UNC5C: variants seen among roughly 807,000 people sequenced by gnomAD.
UNC5C encodes netrin receptor UNC5C.
A neutral mutation model predicts 99.8 loss-of-function variants in UNC5C; 47 were observed. The ratio of observed to expected loss-of-function variants is 0.47; its 90% CI spans 0.37 to 0.60. UNC5C has a LOEUF of 0.60. Among genes scored for constraint, UNC5C ranks in the 20% least tolerant of loss-of-function variants. UNC5C has a pLI of 0.00. For missense variants in UNC5C, 1,062 were observed against 1,165.9 expected (o/e 0.91, Z 1.30); for synonymous variants, 487 against 452.2 (o/e 1.08, Z -0.98).
chr4:95,229,492 G>A (rs925380183), intron 7 of UNC5C, among the ~76,000 whole-genome samples: 17 of 152,280 alleles, frequency 1.1e-4, no homozygotes, highest in African/African-American at 2.6e-4. Flanking sequence ...ATTTCATGGT[G>A]TATATGTGCC....
chr4:95,173,529 A>C (rs1338999269), intron 14 of UNC5C, among the ~76,000 whole-genome samples: 3 of 147,998 alleles, frequency 2.0e-5, no homozygotes, highest in African/African-American at 7.5e-5. Flanking sequence ...TTCTGTTTAT[A>C]TGCTGGATTA....
chr4:95,206,517 G>A, intron 11 of UNC5C, 111 bp downstream of exon 11: 1 of 1,487,514 alleles, frequency 6.7e-7, no homozygotes, highest in Non-Finnish European at 9.1e-7. Context: ...TTGAGGGTGA[G>A]CTAAAATTCC....
chr4:95,371,899 A>G (rs1294750444), intron 1 of UNC5C, among the ~76,000 whole-genome samples: 1 of 152,142 alleles, frequency 6.6e-6, no homozygotes, highest in Non-Finnish European at 1.5e-5. Flanking sequence ...TATAAAAACC[A>G]TGTTCTGCAT....
At chr4:95,386,886 C>T (rs1745226433) in intron 1 of UNC5C, among the ~76,000 whole-genome samples, 1 of 152,088 alleles carries the variant, frequency 6.6e-6, no homozygotes, top group South Asian at 2.1e-4. Context: ...AGTGGACATT[C>T]ATATGGGTTA....
intron 1 of UNC5C, among the ~76,000 whole-genome samples, chr4:95,435,137 AG>A (rs924508963): frequency 6.6e-6 from 1 of 152,058 alleles, no homozygotes; most frequent in Non-Finnish European, 1.5e-5. Context: ...GACAAACAAA[AG>A]GTTTTGAAAT....
chr4:95,330,465 G>A (rs1330883586), intron 2 of UNC5C, among the ~76,000 whole-genome samples: 1 of 151,870 alleles, frequency 6.6e-6, no homozygotes, highest in East Asian at 1.9e-4. Flanking sequence ...CAAAATTTTT[G>A]ATAAGTATAT....
intron 1 of UNC5C, among the ~76,000 whole-genome samples, chr4:95,511,980 A>C (rs78073988): frequency 0.02 from 3,080 of 152,158 alleles, 109 homozygotes; most frequent in African/African-American, 0.071. Context: ...GTATGTGACT[A>C]CTTGTTAGAT....
intron 1 of UNC5C, among the ~76,000 whole-genome samples, chr4:95,476,594 G>A (rs1339773403): frequency 3.3e-5 from 5 of 151,918 alleles, no homozygotes; most frequent in Non-Finnish European, 7.4e-5. Flanking sequence ...CATATTTTGT[G>A]ATAGTTTCCA....
chr4:95,541,680 C>T (rs1033079869), intron 1 of UNC5C, among the ~76,000 whole-genome samples: 2 of 151,638 alleles, frequency 1.3e-5, no homozygotes, highest in East Asian at 3.9e-4. Context: ...TTGAGAAAAC[C>T]TGCATTTCTA....
At chr4:95,443,375 C>A (rs1747006985) in intron 1 of UNC5C, among the ~76,000 whole-genome samples, 1 of 152,092 alleles carries the variant, frequency 6.6e-6, no homozygotes, top group African/African-American at 2.4e-5. Flanking sequence ...AACAGGGTAC[C>A]TATTTTTGCT....
intron 4 of UNC5C, among the ~76,000 whole-genome samples, chr4:95,251,658 A>G (rs570252346): frequency 6.6e-6 from 1 of 152,304 alleles, no homozygotes; most frequent in Non-Finnish European, 1.5e-5. Context: ...CTCCTTTTGC[A>G]TTAGGGTGAA....
At chr4:95,290,966 T>C (rs929553523) in intron 3 of UNC5C, among the ~76,000 whole-genome samples, 4 of 152,164 alleles carry the variant, frequency 2.6e-5, no homozygotes, top group African/African-American at 4.8e-5. Flanking sequence ...ACTGAGATCA[T>C]TTAAATGAGA....
intron 1 of UNC5C, among the ~76,000 whole-genome samples, chr4:95,382,489 G>A (rs113602309): frequency 5.0e-4 from 76 of 151,282 alleles, no homozygotes; most frequent in African/African-American, 1.8e-3. Flanking sequence ...TTTTCATTAA[G>A]ATGAATAATC....
chr4:95,256,692 C>CTAAA (rs1205039233), intron 4 of UNC5C, among the ~76,000 whole-genome samples: 1 of 106,176 alleles, frequency 9.4e-6, no homozygotes, highest in African/African-American at 3.0e-5. Flanking sequence ...AGGGACAGAA[C>CTAAA]TAAATAAATA....
At chr4:95,510,742 T>C (rs1722049592) in intron 1 of UNC5C, among the ~76,000 whole-genome samples, 1 of 152,084 alleles carries the variant, frequency 6.6e-6, no homozygotes, top group Non-Finnish European at 1.5e-5. Flanking sequence ...AGGAACATCT[T>C]TTGGTATAAA....
At chr4:95,345,029 C>CTCTT (rs61074276) in intron 1 of UNC5C, among the ~76,000 whole-genome samples, 80,744 of 150,982 alleles carry the variant, frequency 0.53, 22,378 homozygotes, top group East Asian at 0.85. Context: ...ATTGATTAAA[C>CTCTT]CAATCAAAAG....
intron 10 of UNC5C, among the ~76,000 whole-genome samples, chr4:95,213,627 G>A (rs1362619965): frequency 1.3e-5 from 2 of 152,174 alleles, no homozygotes; most frequent in South Asian, 2.1e-4. Flanking sequence ...ATTCACATCC[G>A]CAGATGACCA....
At chr4:95,395,335 T>C (rs972207226) in intron 1 of UNC5C, among the ~76,000 whole-genome samples, 2 of 148,310 alleles carry the variant, frequency 1.3e-5, no homozygotes, top group African/African-American at 2.6e-5. Context: ...TCAATAAAGC[T>C]ATTTTCCTTT....
intron 2 of UNC5C, among the ~76,000 whole-genome samples, chr4:95,302,767 ATATT>A (rs1318796459): frequency 1.3e-5 from 2 of 152,326 alleles, no homozygotes; most frequent in African/African-American, 2.4e-5. Context: ...CTTTGAATAA[ATATT>A]TATTTAGTAT....
Sources: gnomAD v4.1 joint callset for allele counts (sites outside exome capture counted in the v4.1 genomes callset) on GRCh38, gnomAD v4.1.1 for gene constraint, MANE v1.5 for transcripts, NCBI Gene and HGNC (gene_info 2026-07-23, HGNC 2026-07-21) for gene names.